The following NOL10 variants were observed in gnomAD, a reference collection of about 807,000 sequenced individuals.
The protein encoded by NOL10 is H_NH0074G24.1.
NOL10 carries 58 observed loss-of-function variants against 103.5 expected under a neutral mutation model. The observed-to-expected ratio is 0.56, with a 90% confidence interval of 0.45 to 0.70. NOL10 has a LOEUF of 0.70. Among genes scored for constraint, NOL10 ranks in the 30% least tolerant of loss-of-function variants. The pLI, the probability that NOL10 is intolerant of heterozygous loss-of-function variation, is 0.00. For missense variants in NOL10, 763 were observed against 807.3 expected (o/e 0.95, Z 0.67); for synonymous variants, 287 against 282.5 (o/e 1.02, Z -0.16).
At chr2:10,629,025 G>A (rs1677665376) in intron 13 of NOL10, among the ~76,000 whole-genome samples, 1 of 152,004 alleles carries the variant, frequency 6.6e-6, no homozygotes, top group Admixed American at 6.6e-5. Context: ...CCCCCAGAGC[G>A]AATGGACAGC....
At chr2:10,595,135 G>A (rs1039789115) in intron 17 of NOL10, among the ~76,000 whole-genome samples, 1 of 130,930 alleles carries the variant, frequency 7.6e-6, no homozygotes, top group African/African-American at 3.4e-5. Flanking sequence ...GGGAGGGAGG[G>A]GGAGGGGGCA....
chr2:10,679,944 T>G (rs549119115), intron 3 of NOL10, among the ~76,000 whole-genome samples: 1 of 152,060 alleles, frequency 6.6e-6, no homozygotes, highest in Non-Finnish European at 1.5e-5. Context: ...TTAAATATTT[T>G]TAAGATAAAA....
intron 13 of NOL10, among the ~76,000 whole-genome samples, chr2:10,624,423 A>C (rs1171456274): frequency 1.3e-5 from 2 of 152,080 alleles, no homozygotes; most frequent in Admixed American, 6.5e-5. Flanking sequence ...TCAGAAAAAG[A>C]TATTAAAACA....
chr2:10,663,667 C>G (rs146892938), intron 8 of NOL10, among the ~76,000 whole-genome samples: 2 of 151,148 alleles, frequency 1.3e-5, no homozygotes, highest in African/African-American at 4.8e-5. Flanking sequence ...AAGAAGAATC[C>G]CGGCCAGGCG....
intron 17 of NOL10, among the ~76,000 whole-genome samples, chr2:10,597,981 G>T (rs1675785069): frequency 6.6e-6 from 1 of 152,182 alleles, no homozygotes; most frequent in African/African-American, 2.4e-5. Flanking sequence ...CAAAATGAGT[G>T]AACATCAACG....
Position 10,589,624 on chromosome 2 carries a change from CT to C in NOL10, c.1549del (p.Arg517GlyfsTer5). On this transcript the variant is annotated frameshift_variant, in exon 18 of 21. Coordinates refer to ENST00000381685, the MANE Select transcript of NOL10 (RefSeq NM_024894.4). LOFTEE classifies it high-confidence loss of function. ...NPLVSKISEK[R>X]KKKLRLLEQQ... ...CTCTAAGAGTCTTAGTTTCTTCTTCCTTTTTTCACTAATTTTTGAAACAAGT... is the reference window on the plus strand; with the variant it reads ...CTCTAAGAGTCTTAGTTTCTTCTTCCTTTTTCACTAATTTTTGAAACAAGT... 4 of 1,591,530 alleles carry C rather than the reference CT, an allele frequency of 2.5e-6. No homozygotes were observed. The highest frequency in any genetic ancestry group is 1.2e-5 in the South Asian group (1 of 84,930).
At chr2:10,601,865 T>C (rs1675991794) in intron 16 of NOL10, among the ~76,000 whole-genome samples, 1 of 152,144 alleles carries the variant, frequency 6.6e-6, no homozygotes, top group Non-Finnish European at 1.5e-5. Context: ...GTACTGAGGG[T>C]AAATGCAGAA....
chr2:10,589,046 A>C lies in NOL10; in HGVS notation c.1841T>G (p.Met614Arg). The part of the protein sequence containing the change: ...FKDSATKQKL[M>R]NKTLEDRLKI... ...GCGCTCAGGCAGTGCTACTCACTTC[A>C]TCAGTTTCTGCTTTGTGGCAGAATC... Residue 614 changes from methionine (M) to arginine (R), a missense_variant, in exon 19 of 21, where the codon ATG becomes AGG. Transcript: ENST00000381685. The C allele has an allele frequency of 2.5e-6, 4 of 1,613,732 alleles. No individual in the cohort carries two copies. Among genetic ancestry groups the C allele is most frequent in the Non-Finnish European group, 2.5e-6 (3 of 1,179,854 alleles).
At chr2:10,669,204 T>C (rs1680751589) in intron 6 of NOL10, among the ~76,000 whole-genome samples, 1 of 151,666 alleles carries the variant, frequency 6.6e-6, no homozygotes, top group Non-Finnish European at 1.5e-5. Context: ...ATTTTTTGTA[T>C]TTTTAGTAGA....
chr2:10,682,163 T>C (rs992571715), intron 2 of NOL10, 94 bp from the exon 3 acceptor site: 1 of 449,640 alleles, frequency 2.2e-6, no homozygotes, highest in Non-Finnish European at 3.8e-6. Context: ...ACCACAACTA[T>C]AAACAGGTGA....
chr2:10,577,896 C>T (rs1674540830), intron 19 of NOL10, among the ~76,000 whole-genome samples, 158 bp from the exon 20 acceptor site: 2 of 152,144 alleles, frequency 1.3e-5, no homozygotes, highest in Non-Finnish European at 2.9e-5. Context: ...GAATTAGGTG[C>T]ATTCAAATAG....
At chr2:10,584,109 A>T (rs565012453) in intron 19 of NOL10, among the ~76,000 whole-genome samples, 1 of 152,286 alleles carries the variant, frequency 6.6e-6, no homozygotes, top group South Asian at 2.1e-4. Flanking sequence ...TCTGCCAGGA[A>T]TGCTATCTTT....
chr2:10,572,540 C>A (rs1674234862), intron 20 of NOL10, among the ~76,000 whole-genome samples: 1 of 152,214 alleles, frequency 6.6e-6, no homozygotes, highest in Non-Finnish European at 1.5e-5. Context: ...AAAGAGCCTA[C>A]ACAAGAGCCA....
At chr2:10,680,133 C>T (rs982494717) in intron 3 of NOL10, among the ~76,000 whole-genome samples, 6 of 151,466 alleles carry the variant, frequency 4.0e-5, no homozygotes, top group Admixed American at 1.3e-4. Context: ...AGACATTAGC[C>T]GGGTGTGGTG....
Position 10,634,617 on chromosome 2 carries a change from T to C in NOL10, c.1026+9703A>G, listed in dbSNP as rs955165696. 19 of 456,474 alleles carry C rather than the reference T, an allele frequency of 4.2e-5. No individual in the cohort carries two copies. The Admixed American group carries it at 4.2e-4, about 10-fold the overall frequency. 28.3% of individuals were successfully genotyped at this position (456,474 alleles called of 1,614,324 possible). A position where few individuals can be genotyped will look rare whatever the true frequency, so the allele number is the denominator to read the frequency against. ...AGCTGTTATATAAAGCCTAGTTATA[T>C]AAAGCCTAGGCATAAACAAGCTCCC... is the stretch of plus-strand genomic sequence containing the variant. On this transcript the variant is annotated intron_variant, in intron 13 of 20. Transcript: ENST00000381685.
chr2:10,663,231 G>A (rs540944647), intron 8 of NOL10, among the ~76,000 whole-genome samples, 187 bp from the exon 9 acceptor site: 3 of 152,234 alleles, frequency 2.0e-5, no homozygotes, highest in Admixed American at 6.5e-5. Context: ...AGCTGGGTAT[G>A]TGGTGCACGC....
At chr2:10,591,669 G>A (rs1675397559) in intron 17 of NOL10, among the ~76,000 whole-genome samples, 1 of 151,948 alleles carries the variant, frequency 6.6e-6, no homozygotes, top group Non-Finnish European at 1.5e-5. Flanking sequence ...GAGGGAGGAA[G>A]GAGAAGATGG....
At chr2:10,674,296 T>C (rs1479092383) in intron 4 of NOL10, among the ~76,000 whole-genome samples, 1 of 151,696 alleles carries the variant, frequency 6.6e-6, no homozygotes, top group Non-Finnish European at 1.5e-5. Context: ...ACAGACCACA[T>C]ATCCCATTAA....
At chr2:10,667,134 G>C (rs1366004966) in intron 8 of NOL10, 84 bp downstream of exon 8, 10 of 957,254 alleles carry the variant, frequency 1.0e-5, no homozygotes, top group African/African-American at 1.6e-5. Flanking sequence ...CTGCTCTAAG[G>C]AATCAAGCAA....
Sources: gnomAD v4.1 joint callset for allele counts (sites outside exome capture counted in the v4.1 genomes callset) on GRCh38, gnomAD v4.1.1 for gene constraint, MANE v1.5 for transcripts, NCBI Gene and HGNC (gene_info 2026-07-23, HGNC 2026-07-21) for gene names.